The following CFAP70 variants were observed in gnomAD, a reference collection of about 807,000 sequenced individuals.
CFAP70 encodes the protein cilia- and flagella-associated protein 70.
Under a neutral mutation model 137.6 loss-of-function variants are expected in CFAP70, and 81 were observed. The observed-to-expected ratio is 0.59, with a 90% confidence interval of 0.49 to 0.71. The LOEUF (loss-of-function observed/expected upper bound fraction) is 0.71, where lower values mean the gene tolerates loss of function less well. CFAP70 is among the 30% of genes least tolerant of loss of function. The probability of loss-of-function intolerance (pLI) is 0.00; values close to 1 mark genes in which losing one functional copy is unlikely to be tolerated. For synonymous variants in CFAP70, 382 were observed against 423.6 expected, an observed-to-expected ratio of 0.90 and a Z score of 1.20; for missense variants, 976 against 1,226.7, an observed-to-expected ratio of 0.80 and a Z score of 3.05.
At chr10:73,281,956 A>T (rs144882116) in intron 19 of CFAP70, among the ~76,000 whole-genome samples, 101 of 152,364 alleles carry the variant, frequency 6.6e-4, no homozygotes, top group African/African-American at 2.2e-3. Context: ...ACTTGTGGAC[A>T]TACCGACGTG....
chr10:73,280,131 T>A (rs546752087), intron 19 of CFAP70, among the ~76,000 whole-genome samples: 25 of 152,188 alleles, frequency 1.6e-4, no homozygotes, highest in Non-Finnish European at 3.1e-4. Context: ...TAAATATATC[T>A]TTTCTATATG....
intron 21 of CFAP70, 185 bp downstream of exon 22, chr10:73,277,055 T>C (rs111344706): frequency 2.2e-5 from 13 of 591,418 alleles, no homozygotes; most frequent in African/African-American, 1.5e-4. Flanking sequence ...AGCGAGGTCT[T>C]CTGCTGCCAT....
intron 9 of CFAP70, among the ~76,000 whole-genome samples, chr10:73,312,940 A>C (rs2050036748): frequency 6.6e-6 from 1 of 152,158 alleles, no homozygotes; most frequent in Non-Finnish European, 1.5e-5. Context: ...TTTGACACAG[A>C]ATTTCGAATT....
At chr10:73,360,120 C>T (rs111920554), upstream of CFAP70, among the ~76,000 whole-genome samples, 425 of 152,260 alleles carry the variant, frequency 2.8e-3, 1 homozygote, top group Non-Finnish European at 4.1e-3. Context: ...CTGTGAATCG[C>T]ATACCACCCC....
chr10:73,256,248 G>T, intron 26 of CFAP70, 121 bp downstream of exon 27: 1 of 1,124,410 alleles, frequency 8.9e-7, no homozygotes. Context: ...GGCAAAGATG[G>T]TAAGAAAAGC....
intron 19 of CFAP70, among the ~76,000 whole-genome samples, chr10:73,289,236 G>A (rs1211682695): frequency 6.6e-6 from 1 of 152,036 alleles, no homozygotes; most frequent in African/African-American, 2.4e-5. Flanking sequence ...CAAAAAAAGA[G>A]ACATACTTAA....
rs901257370 is a variant in CFAP70 at position 73,272,811 on chromosome 10, A to G, written c.2925+117T>C. 1.7e-4 allele frequency: 144 copies of G among 867,810 alleles called. 2 individuals are homozygous for G. In the Admixed American group the frequency reaches 2.9e-3, roughly 17 times the overall value. The allele number at this position is 867,810 out of a possible 1,614,324, so 53.8% of individuals were successfully genotyped here. A position where few individuals can be genotyped will look rare whatever the true frequency, so the allele number is the denominator to read the frequency against. On this transcript the variant is annotated intron_variant, in intron 24 of 26. Coordinates refer to ENST00000310715, the Ensembl canonical transcript of CFAP70. ...CCTTTGAAGAACAACTTTTCATTACAGCAGACAGCCCTGATTGCTATTCCA... is the reference window on the plus strand; with the variant it reads ...CCTTTGAAGAACAACTTTTCATTACGGCAGACAGCCCTGATTGCTATTCCA...
intron 7 of CFAP70, 72 bp downstream of exon 8, chr10:73,335,358 T>G: frequency 2.1e-6 from 2 of 950,450 alleles, no homozygotes; most frequent in Non-Finnish European, 3.2e-6. Flanking sequence ...TAAATAAAAT[T>G]AACAAAAGTA....
At chr10:73,301,589 G>A (rs1011915540) in intron 12 of CFAP70, among the ~76,000 whole-genome samples, 4 of 152,274 alleles carry the variant, frequency 2.6e-5, no homozygotes, top group African/African-American at 9.6e-5. Flanking sequence ...TTAGACTTGG[G>A]GGTTCAGGGT....
intron 4 of CFAP70, chr10:73,345,176 G>T: frequency 6.2e-7 from 1 of 1,614,080 alleles, no homozygotes; most frequent in Admixed American, 1.7e-5. Context: ...TCAGTAGATT[G>T]CCCCCTGAGA....
At chr10:73,281,229 G>T (rs895479598) in intron 19 of CFAP70, among the ~76,000 whole-genome samples, 1 of 152,004 alleles carries the variant, frequency 6.6e-6, no homozygotes, top group Non-Finnish European at 1.5e-5. Context: ...CTGTCACCCA[G>T]GCTGGAGTGC....
chr10:73,332,211 A>G (rs2132311502), intron 7 of CFAP70, among the ~76,000 whole-genome samples: 1 of 152,306 alleles, frequency 6.6e-6, no homozygotes, highest in African/African-American at 2.4e-5. Context: ...CTAAATGTGG[A>G]CTAGCTGGGA....
chr10:73,345,901 A>ATTT, intron 4 of CFAP70, among the ~76,000 whole-genome samples: 1 of 151,204 alleles, frequency 6.6e-6, no homozygotes, highest in Admixed American at 6.6e-5. Flanking sequence ...CATTTTTTTA[A>ATTT]TTTTATTTTT....
At chr10:73,328,667 A>C (rs781086081) in intron 8 of CFAP70, among the ~76,000 whole-genome samples, 6,288 of 142,284 alleles carry the variant, frequency 0.044, 517 homozygotes, top group African/African-American at 0.15. Context: ...ACCCCATCAA[A>C]AAGTGGGCGA....
chr10:73,293,680 C>T (rs907168382), intron 15 of CFAP70: 1 of 237,012 alleles, frequency 4.2e-6, no homozygotes, highest in Non-Finnish European at 8.2e-6. Flanking sequence ...CATTCATAGT[C>T]CCTATGCAGG....
chr10:73,347,601 G>A (rs2053822257), intron 4 of CFAP70, among the ~76,000 whole-genome samples: 3 of 152,140 alleles, frequency 2.0e-5, no homozygotes, highest in Non-Finnish European at 4.4e-5. Context: ...AAAAAACTAA[G>A]ATAAAAGGAA....
chr10:73,317,167 G>A (rs749342001), intron 9 of CFAP70, among the ~76,000 whole-genome samples: 3 of 152,054 alleles, frequency 2.0e-5, no homozygotes, highest in African/African-American at 4.8e-5. Flanking sequence ...ACAGGTGCAC[G>A]CCACCATGCC....
intron 19 of CFAP70, among the ~76,000 whole-genome samples, chr10:73,286,575 C>G (rs907405049): frequency 3.3e-5 from 5 of 152,042 alleles, no homozygotes; most frequent in African/African-American, 1.2e-4. Flanking sequence ...TGAACCAAAA[C>G]AAATAAAAAG....
At chr10:73,270,178 A>G (rs1049157330) in intron 24 of CFAP70, among the ~76,000 whole-genome samples, 3 of 152,034 alleles carry the variant, frequency 2.0e-5, no homozygotes, top group South Asian at 4.1e-4. Context: ...TTGAAATACT[A>G]TTGTCCAGAA....
Sources: allele counts gnomAD v4.1 joint callset (sites outside exome capture counted in the v4.1 genomes callset), GRCh38; gene constraint gnomAD v4.1.1; transcripts MANE v1.5; gene names NCBI Gene and HGNC (gene_info 2026-07-23, HGNC 2026-07-21).